Variants in PALM observed in about 807,000 individuals in gnomAD.
PALM encodes paralemmin, also known as paralemmin-1.
A neutral mutation model predicts 30.7 loss-of-function variants in PALM; 18 were observed. The observed-to-expected ratio is 0.59, with a 90% CI of 0.41 to 0.87. The LOEUF is 0.87. Among genes scored for constraint, PALM ranks in the 40% least tolerant of loss-of-function variants. The pLI, the probability that PALM is intolerant of heterozygous loss-of-function variation, is 0.00. For missense variants in PALM, 529 were observed against 555.4 expected (o/e 0.95, Z 0.48); for synonymous variants, 286 against 242.8 (o/e 1.18, Z -1.66).
chr19:734,255 G>T (rs902127411), intron 6 of PALM, 61 bp downstream of exon 6: 11 of 1,529,700 alleles, frequency 7.2e-6, no homozygotes, highest in Non-Finnish European at 9.9e-6. Context: ...GAGAGGGGAT[G>T]GCAGGGCGGG....
intron 8 of PALM, among the ~76,000 whole-genome samples, chr19:743,589 T>C (rs12460197): frequency 0.11 from 16,846 of 152,206 alleles, 1,176 homozygotes; most frequent in Non-Finnish European, 0.15. Context: ...TTCCTTCTGG[T>C]CTGTAGCCAG....
In PALM at chr19:746,531, A is replaced by G. The variant is rs1490950056; in HGVS notation, c.881A>G (p.Gln294Arg). Residue 294 changes from glutamine to arginine, a missense_variant, in exon 9 of 9, where the codon CAG becomes CGG. Gln to Arg is a conservative substitution (Grantham distance 43). Coordinates refer to ENST00000338448, the MANE Select transcript of PALM (RefSeq NM_002579.3). This position sits in a 1 kb window ranked among gnomAD's most constrained non-coding sequence, Gnocchi z 7.1. ...GGCCCGCCGGGGATCCAGCCCGGCC[A>G]GGAGCCCCCGGTCACAATGATCTTC... ...TSGPPGIQPG[Q>R]EPPVTMIFMG... 6.2e-6 allele frequency: 10 copies of G among 1,612,674 alleles called. No individual in the cohort carries two copies. Among genetic ancestry groups the G allele is most frequent in the Non-Finnish European group, 5.9e-6 (7 of 1,179,820 alleles).
At chr19:737,923 C>T (rs945155695) in intron 7 of PALM, among the ~76,000 whole-genome samples, 2 of 152,168 alleles carry the variant, frequency 1.3e-5, no homozygotes, top group Admixed American at 6.5e-5. Context: ...GCCCCGACTC[C>T]GTGCTCACCC....
At chr19:720,160 A>T (rs1445524512) in intron 1 of PALM, among the ~76,000 whole-genome samples, 1 of 144,600 alleles carries the variant, frequency 6.9e-6, no homozygotes, top group African/African-American at 2.5e-5. Context: ...GGCCCCCCCC[A>T]ATCCCCCCAA....
At chr19:723,081 C>T (rs563119687) in intron 1 of PALM, among the ~76,000 whole-genome samples, 32 of 151,402 alleles carry the variant, frequency 2.1e-4, no homozygotes, top group African/African-American at 7.5e-4. Flanking sequence ...CCAGGCGGGG[C>T]TGGGGGTGAG....
intron 1 of PALM, among the ~76,000 whole-genome samples, chr19:721,666 C>T (rs530420084): frequency 1.3e-5 from 2 of 151,906 alleles, no homozygotes; most frequent in African/African-American, 2.4e-5. Flanking sequence ...GGTATGATCT[C>T]GGCTCACCGT....
At chr19:729,114 G>A (rs914895657) in intron 4 of PALM, among the ~76,000 whole-genome samples, 4 of 152,022 alleles carry the variant, frequency 2.6e-5, no homozygotes. Context: ...ATCACCTGAG[G>A]TCAGAGATTT....
At chr19:716,305 C>T (rs1354573918) in intron 1 of PALM, among the ~76,000 whole-genome samples, 1 of 151,752 alleles carries the variant, frequency 6.6e-6, no homozygotes, top group Non-Finnish European at 1.5e-5. Context: ...CCCAGCTACT[C>T]GGGAGGCTGA....
chr19:725,418 G>A (rs893061803), intron 1 of PALM, among the ~76,000 whole-genome samples: 4 of 152,030 alleles, frequency 2.6e-5, no homozygotes, highest in Non-Finnish European at 4.4e-5. Context: ...AAAATTAGCC[G>A]GGCGTGGTGG....
At chr19:725,203 G>A (rs1008284204) in intron 1 of PALM, among the ~76,000 whole-genome samples, 1 of 151,840 alleles carries the variant, frequency 6.6e-6, no homozygotes, top group Non-Finnish European at 1.5e-5. Flanking sequence ...TTTGTTAAGC[G>A]CCTACCACAT....
At chr19:724,671 G>A (rs1027519835) in intron 1 of PALM, among the ~76,000 whole-genome samples, 5 of 152,122 alleles carry the variant, frequency 3.3e-5, no homozygotes, top group African/African-American at 1.2e-4. Context: ...GGCTGGAGTA[G>A]GGTGGTGGGG....
chr19:723,987 T>C (rs2032580237), intron 1 of PALM, among the ~76,000 whole-genome samples: 1 of 151,712 alleles, frequency 6.6e-6, no homozygotes, highest in Non-Finnish European at 1.5e-5. Context: ...GTGGCAAAGC[T>C]CTTCTTCTAG....
chr19:726,984 G>GACCCCACCCCGCCC, intron 2 of PALM, 24 bp from the exon 3 acceptor site: 3 of 1,183,058 alleles, frequency 2.5e-6, no homozygotes, highest in Non-Finnish European at 3.6e-6. Flanking sequence ...GCCCATCCCT[G>GACCCCACCCCGCCC]ACCCCACCCG....
intron 1 of PALM, chr19:723,037 G>C (rs985298683): frequency 6.5e-6 from 1 of 152,804 alleles, no homozygotes; most frequent in Non-Finnish European, 1.5e-5. Context: ...GGGGCGCCTC[G>C]GGCTCCAGGG....
chr19:740,986 A>AAG (rs2033169059), intron 8 of PALM, among the ~76,000 whole-genome samples: 1 of 150,590 alleles, frequency 6.6e-6, no homozygotes, highest in Non-Finnish European at 1.5e-5. Context: ...AAAAAAAAAA[A>AAG]AAATTACCCT....
At position 709,918 on chromosome 19, in the gene PALM, G is replaced by T. The variant is rs1052703500; in HGVS notation, c.5+767G>T. On this transcript the variant is annotated intron_variant, in intron 1 of 8. Coordinates refer to ENST00000338448, the MANE Select transcript of PALM (RefSeq NM_002579.3). This position sits in a 1 kb window ranked among gnomAD's most constrained non-coding sequence, Gnocchi z 4.3. ...TGGCTGCGCCTGTGTGTGTGGGGGG[G>T]GGGTGGCCAGTGGAGGCACCGAGCG... 2.0e-5 allele frequency among the ~76,000 whole-genome samples: 3 copies of T among 152,104 alleles called. No individual in the cohort carries two copies. The highest frequency in any genetic ancestry group is 4.4e-5 in the Non-Finnish European group (3 of 67,976).
At chr19:726,024 G>T in intron 1 of PALM, 114 bp from the exon 2 acceptor site, 1 of 802,066 alleles carries the variant, frequency 1.2e-6, no homozygotes, top group Non-Finnish European at 2.1e-6. Flanking sequence ...GTTCAGAGAT[G>T]AAATCCCTTG....
chr19:710,032 G>A (rs1341882427), intron 1 of PALM, among the ~76,000 whole-genome samples: 1 of 152,160 alleles, frequency 6.6e-6, no homozygotes, highest in Admixed American at 6.5e-5. Context: ...GGCACTGCAC[G>A]GGCAGGGGTC....
In PALM at chr19:712,265, C is replaced by T. The variant is rs192181160; in HGVS notation, c.5+3114C>T. Among the ~76,000 whole-genome samples the T allele has an allele frequency of 4.3e-3, 656 of 151,566 alleles. 3 individuals carry two copies. The highest frequency in any genetic ancestry group is 0.015 in the African/African-American group (600 of 41,324). ...CTTGAACTCCTGACCTCAGGTGATC[C>T]GCCTGCCTCGGCCTCCCCAAAGTGT... On this transcript the variant is annotated intron_variant, in intron 1 of 8. Transcript: ENST00000338448.
Sources: gnomAD v4.1 joint callset for allele counts (sites outside exome capture counted in the v4.1 genomes callset) on GRCh38, gnomAD v4.1.1 for gene constraint, Gnocchi (gnomAD v3.1) non-coding constraint, MANE v1.5 for transcripts, NCBI Gene and HGNC (gene_info 2026-07-23, HGNC 2026-07-21) for gene names.